The following ANKS1B variants were observed in gnomAD, a reference collection of about 807,000 sequenced individuals.
ANKS1B encodes the protein ankyrin repeat and sterile alpha motif domain containing 1B, also known as ankyrin repeat and sterile alpha motif domain-containing protein 1B.
In ANKS1B, 36 loss-of-function variants were observed where a neutral mutation model predicts 148.3. The ratio of observed to expected loss-of-function variants is 0.24; its 90% CI spans 0.19 to 0.32. The LOEUF is 0.32. Among genes scored for constraint, ANKS1B ranks in the 10% least tolerant of loss-of-function variants. ANKS1B has a pLI of 1.00. For synonymous variants in ANKS1B, 542 were observed against 560.8 expected, an observed-to-expected ratio of 0.97 and a Z score of 0.47; for missense variants, 1,157 against 1,542.6, an observed-to-expected ratio of 0.75 and a Z score of 4.19.
chr12:99,775,286 C>T (rs925458866), intron 7 of ANKS1B, among the ~76,000 whole-genome samples: 21 of 151,870 alleles, frequency 1.4e-4, no homozygotes, highest in African/African-American at 5.1e-4. Context: ...CCAAGTATAC[C>T]TCAATAAAGC....
intron 14 of ANKS1B, among the ~76,000 whole-genome samples, chr12:99,204,785 C>T (rs534190395): frequency 3.7e-4 from 56 of 152,252 alleles, no homozygotes; most frequent in African/African-American, 1.3e-3. Flanking sequence ...CTCCTAAAGC[C>T]TTATTGAGGG....
chr12:99,679,434 A>G (rs954959200), intron 8 of ANKS1B, among the ~76,000 whole-genome samples: 1 of 152,152 alleles, frequency 6.6e-6, no homozygotes, highest in Non-Finnish European at 1.5e-5. Flanking sequence ...CAGCCTCCCA[A>G]GTACCTCGGA....
At chr12:99,164,942 A>G (rs73140959) in intron 14 of ANKS1B, among the ~76,000 whole-genome samples, 9,191 of 152,122 alleles carry the variant, frequency 0.06, 365 homozygotes, top group Non-Finnish European at 0.094. Flanking sequence ...TCATATCCTT[A>G]TAACCATCTT....
intron 9 of ANKS1B, among the ~76,000 whole-genome samples, chr12:99,630,320 T>G (rs903951751): frequency 6.6e-6 from 1 of 152,214 alleles, no homozygotes; most frequent in Non-Finnish European, 1.5e-5. Flanking sequence ...AGCAGATATC[T>G]CTGTTGTAAT....
chr12:99,366,597 A>G (rs1375047366), intron 12 of ANKS1B, among the ~76,000 whole-genome samples: 1 of 152,206 alleles, frequency 6.6e-6, no homozygotes, highest in Non-Finnish European at 1.5e-5. Context: ...AATCGCTGGG[A>G]GGAAAGATGA....
chr12:98,906,181 T>C (rs1596623206), intron 17 of ANKS1B, among the ~76,000 whole-genome samples: 1 of 152,220 alleles, frequency 6.6e-6, no homozygotes, highest in Non-Finnish European at 1.5e-5. Flanking sequence ...TCTCCTACTA[T>C]GATGTAGAAC....
intron 1 of ANKS1B, among the ~76,000 whole-genome samples, chr12:99,861,902 C>T (rs2090070237): frequency 7.5e-6 from 1 of 133,554 alleles, no homozygotes; most frequent in African/African-American, 2.8e-5. Context: ...TGGAGCAGCT[C>T]CAGAAAAAAA....
At chr12:99,581,813 C>T (rs1034686474) in intron 9 of ANKS1B, among the ~76,000 whole-genome samples, 1 of 151,518 alleles carries the variant, frequency 6.6e-6, no homozygotes, top group Admixed American at 6.6e-5. Context: ...ATGGCGTCAA[C>T]CCGGGAAGCG....
At chr12:98,963,341 C>T (rs914327715) in intron 17 of ANKS1B, among the ~76,000 whole-genome samples, 1 of 151,842 alleles carries the variant, frequency 6.6e-6, no homozygotes, top group Non-Finnish European at 1.5e-5. Flanking sequence ...ACATGCCTGG[C>T]TAATTTTTGT....
chr12:98,831,671 G>A, intron 18 of ANKS1B: 1 of 192,218 alleles, frequency 5.2e-6, no homozygotes, highest in African/African-American at 2.3e-5. Context: ...CACAGATATG[G>A]TAAACTTCAT....
chr12:99,512,951 T>C (rs908392186), intron 9 of ANKS1B, among the ~76,000 whole-genome samples: 1 of 151,830 alleles, frequency 6.6e-6, no homozygotes, highest in Non-Finnish European at 1.5e-5. Flanking sequence ...GATGCTAGGC[T>C]TAATACCTAG....
chr12:99,809,544 G>A (rs2068072880), intron 3 of ANKS1B, among the ~76,000 whole-genome samples: 1 of 151,978 alleles, frequency 6.6e-6, no homozygotes, highest in Non-Finnish European at 1.5e-5. Flanking sequence ...TCCGGGTAGA[G>A]TCCACTTTGT....
At chr12:99,838,007 C>G (rs1041244824) in intron 1 of ANKS1B, among the ~76,000 whole-genome samples, 14 of 152,090 alleles carry the variant, frequency 9.2e-5, no homozygotes, top group African/African-American at 3.4e-4. Flanking sequence ...TTATTTAGCT[C>G]CCATTTATAA....
chr12:99,733,607 T>A (rs1411669569), intron 8 of ANKS1B, among the ~76,000 whole-genome samples: 1 of 152,202 alleles, frequency 6.6e-6, no homozygotes, highest in Non-Finnish European at 1.5e-5. Context: ...CTAAAATACA[T>A]GATGAAACTG....
chr12:98,918,898 C>T (rs1413612738), intron 17 of ANKS1B, among the ~76,000 whole-genome samples: 1 of 152,064 alleles, frequency 6.6e-6, no homozygotes, highest in Non-Finnish European at 1.5e-5. Flanking sequence ...GCCTATAAGG[C>T]CATTTATAAT....
At chr12:99,484,781 T>C (rs2096465287) in intron 10 of ANKS1B, among the ~76,000 whole-genome samples, 1 of 150,612 alleles carries the variant, frequency 6.6e-6, no homozygotes, top group Admixed American at 6.6e-5. Context: ...TTTTTTTTTT[T>C]TTACCATTGG....
At chr12:99,734,349 A>G (rs1011375336) in intron 8 of ANKS1B, among the ~76,000 whole-genome samples, 3 of 151,876 alleles carry the variant, frequency 2.0e-5, no homozygotes, top group African/African-American at 4.8e-5. Context: ...CTGGAGTGCA[A>G]TGGCATGATC....
intron 8 of ANKS1B, among the ~76,000 whole-genome samples, chr12:99,656,718 T>C (rs2153447541): frequency 6.6e-6 from 1 of 151,870 alleles, no homozygotes; most frequent in South Asian, 2.1e-4. Context: ...AAAACTTCAC[T>C]CTAAGAGCCT....
At chr12:99,102,151 G>T (rs2058091692) in intron 15 of ANKS1B, among the ~76,000 whole-genome samples, 1 of 152,186 alleles carries the variant, frequency 6.6e-6, no homozygotes, top group Non-Finnish European at 1.5e-5. Flanking sequence ...CATGAATAAG[G>T]ATATGAACCA....
Sources: gnomAD v4.1 joint callset for allele counts (sites outside exome capture counted in the v4.1 genomes callset) on GRCh38, gnomAD v4.1.1 for gene constraint, MANE v1.5 for transcripts, NCBI Gene and HGNC (gene_info 2026-07-23, HGNC 2026-07-21) for gene names.